RUVBL1: variants seen among roughly 807,000 people sequenced by gnomAD.
The protein encoded by RUVBL1 is ruvB-like 1.
A neutral mutation model predicts 52.4 loss-of-function variants in RUVBL1; 4 were observed. The ratio of observed to expected loss-of-function variants is 0.08; its 90% CI spans 0.04 to 0.17. The LOEUF is 0.17. RUVBL1 is among the 10% of genes least tolerant of loss of function. The probability of loss-of-function intolerance (pLI) is 1.00; values close to 1 mark genes in which losing one functional copy is unlikely to be tolerated. For missense variants in RUVBL1, 298 were observed against 572.8 expected (o/e 0.52, Z 4.90); for synonymous variants, 217 against 214.4 (o/e 1.01, Z -0.10).
intron 8 of RUVBL1, among the ~76,000 whole-genome samples, chr3:128,095,481 T>G (rs1942947478): frequency 6.6e-6 from 1 of 152,256 alleles, no homozygotes; most frequent in Non-Finnish European, 1.5e-5. Context: ...CAAGTAGCCA[T>G]GCTGGATCTG....
chr3:128,079,944 G>A (rs1278538914), downstream of RUVBL1, among the ~76,000 whole-genome samples: 1 of 152,206 alleles, frequency 6.6e-6, no homozygotes, highest in Non-Finnish European at 1.5e-5. Flanking sequence ...CTAGCACAAG[G>A]AGCAAGTGCT....
chr3:128,113,157 T>A (rs184371490), intron 2 of RUVBL1, 137 bp from the exon 3 acceptor site: 1 of 987,212 alleles, frequency 1.0e-6, no homozygotes, highest in African/African-American at 1.7e-5. Context: ...ACACAATAAA[T>A]GTTTGATGAC....
At chr3:128,140,838 A>T (rs1944010727) in intron 1 of RUVBL1, among the ~76,000 whole-genome samples, 1 of 152,164 alleles carries the variant, frequency 6.6e-6, no homozygotes, top group African/African-American at 2.4e-5. Context: ...TTTCCAGATT[A>T]AAAAAATGTA....
At chr3:128,144,103 T>C (rs988815011) in intron 1 of RUVBL1, among the ~76,000 whole-genome samples, 1 of 152,188 alleles carries the variant, frequency 6.6e-6, no homozygotes, top group Non-Finnish European at 1.5e-5. Context: ...CTGAATGTTA[T>C]GTAGCTCAGC....
At chr3:128,104,714 C>A in intron 4 of RUVBL1, 59 bp downstream of exon 4, 1 of 1,488,222 alleles carries the variant, frequency 6.7e-7, no homozygotes. Flanking sequence ...ACACCACCTG[C>A]CCAAAGCCAC....
chr3:128,097,317 T>A lies in RUVBL1; in HGVS notation c.999A>T (p.Arg333=). ...IAPIVIFASN[R]GNCVIRGTED... ...CATCCTACCTGATGACACAGTTGCC[T>A]CGGTTGGATGCAAAGATGACGATGG... The change falls in exon 8 of 11, where the codon CGA becomes CGT. Residue 333 remains arginine, a synonymous_variant. Coordinates refer to ENST00000322623, the MANE Select transcript of RUVBL1 (RefSeq NM_003707.3). 6.2e-7 allele frequency: 1 copy of A among 1,614,110 alleles called. No individual in the cohort carries two copies. The highest frequency in any genetic ancestry group is 8.5e-7 in the Non-Finnish European group (1 of 1,180,002).
chr3:128,148,970 A>T (rs1030601107), intron 1 of RUVBL1, among the ~76,000 whole-genome samples: 1 of 152,102 alleles, frequency 6.6e-6, no homozygotes, highest in African/African-American at 2.4e-5. Context: ...CATATCAAAA[A>T]TGTAGACAGA....
chr3:128,151,739 G>T (rs1944219481), intron 1 of RUVBL1, among the ~76,000 whole-genome samples: 1 of 152,218 alleles, frequency 6.6e-6, no homozygotes, highest in African/African-American at 2.4e-5. Flanking sequence ...GGGGGTCAGG[G>T]TGTCCACATA....
chr3:128,072,793 G>A (rs12695505), intron 9 of RUVBL1, among the ~76,000 whole-genome samples: 35,112 of 152,108 alleles, frequency 0.23, 4,125 homozygotes, highest in South Asian at 0.27. Flanking sequence ...TGTGGCCGTG[G>A]CCCCTCTTGC....
At position 128,100,735 on chromosome 3, in the gene RUVBL1, T is replaced by A; in HGVS notation, c.613A>T (p.Arg205Trp). 6.2e-7 allele frequency: 1 copy of A among 1,612,886 alleles called. No homozygotes were observed. Among genetic ancestry groups the A allele is most frequent in the Non-Finnish European group, 8.5e-7 (1 of 1,179,748 alleles). ...ANSGAVKRQG[R>W]CDTYATEFDL... ...AATTCTGTGGCATAGGTATCACACC[T>A]GCCCTGCCTCTGCAAAAAGAGAGAA... The change falls in exon 6 of 11, where the codon AGG (arginine) becomes TGG (tryptophan). Residue 205 changes from arginine (R) to tryptophan (W), a missense_variant. Coordinates refer to ENST00000322623, the MANE Select transcript of RUVBL1 (RefSeq NM_003707.3).
At chr3:128,070,977 C>T (rs1942149584) in intron 9 of RUVBL1, 1 of 152,306 alleles carries the variant, frequency 6.6e-6, no homozygotes, top group Non-Finnish European at 1.5e-5. Context: ...ATTGGTGGGA[C>T]CAAGGATGTT....
rs891947437 is a variant in RUVBL1 at position 128,099,413 on chromosome 3, T to C, written c.754-468A>G. 4.6e-5 allele frequency among the ~76,000 whole-genome samples: 7 copies of C among 152,230 alleles called. No homozygotes were observed. In the East Asian group the frequency reaches 1.2e-3, roughly 25 times the overall value. ...TCAGGACTTCCTCCAAATGTTCCTGTGCCTTTGGGGACACATGGACTATAA... is the reference window on the plus strand; with the variant it reads ...TCAGGACTTCCTCCAAATGTTCCTGCGCCTTTGGGGACACATGGACTATAA... On this transcript the variant is annotated intron_variant, in intron 6 of 10. Coordinates refer to ENST00000322623, the MANE Select transcript of RUVBL1 (RefSeq NM_003707.3).
At position 128,066,844 on chromosome 3, in the gene RUVBL1, C is replaced by T. The variant is rs1941996800; in HGVS notation, c.940-1624G>A. 9.8e-6 allele frequency: 10 copies of T among 1,022,468 alleles called. No homozygotes were observed. In the South Asian group the frequency reaches 1.5e-4, roughly 15 times the overall value. 63.3% of individuals were successfully genotyped at this position (1,022,468 alleles called of 1,614,324 possible). On this transcript the variant is annotated intron_variant, in intron 9 of 9. Coordinates refer to the RUVBL1 transcript ENST00000464873. ...AACTGGGAGCCCCAGAACCAGCACACAGGATTTCCTCCCTTGTGGCCCACT... is the reference window on the plus strand; with the variant it reads ...AACTGGGAGCCCCAGAACCAGCACATAGGATTTCCTCCCTTGTGGCCCACT...
chr3:128,097,121 T>C (rs376680423), intron 8 of RUVBL1, among the ~76,000 whole-genome samples, 179 bp downstream of exon 8: 71 of 152,318 alleles, frequency 4.7e-4, no homozygotes, highest in African/African-American at 1.7e-3. Flanking sequence ...GGACAGCTGC[T>C]GCCTTTGGTG....
intron 8 of RUVBL1, among the ~76,000 whole-genome samples, chr3:128,096,739 A>G (rs1304971440): frequency 6.6e-6 from 1 of 152,052 alleles, no homozygotes; most frequent in East Asian, 1.9e-4. Flanking sequence ...AGGCAGGAGA[A>G]TGGTGTGAAC....
intron 9 of RUVBL1, among the ~76,000 whole-genome samples, chr3:128,065,528 T>C (rs1392423791): frequency 2.6e-5 from 4 of 152,290 alleles, no homozygotes; most frequent in Non-Finnish European, 4.4e-5. Context: ...GATTGATCTT[T>C]GTATTTTTTG....
intron 9 of RUVBL1, among the ~76,000 whole-genome samples, chr3:128,086,352 A>G (rs2107674495): frequency 6.6e-6 from 1 of 152,346 alleles, no homozygotes; most frequent in African/African-American, 2.4e-5. Flanking sequence ...CTCATGGGTT[A>G]CTGGGGATCA....
chr3:128,108,176 A>C (rs1328865327), intron 3 of RUVBL1, among the ~76,000 whole-genome samples: 1 of 152,112 alleles, frequency 6.6e-6, no homozygotes, highest in Non-Finnish European at 1.5e-5. Flanking sequence ...CCTGCTTTTT[A>C]TTTCTGGTCG....
rs528438223 is a variant in RUVBL1 at position 128,081,006 on chromosome 3, G to A, written c.*244C>T. On this transcript the variant is annotated 3_prime_UTR_variant, in exon 11 of 11. Transcript: ENST00000322623. The surrounding 1 kb of genome is among the most constrained non-coding windows in gnomAD (Gnocchi z 4.8). ...TTTAAAAAACTTAGAGAGAGAGAGA[G>A]AGAGAATCAAAATAACCTATGAAGA... 4.4e-6 allele frequency: 2 copies of A among 450,086 alleles called. No homozygotes were observed. The highest frequency in any genetic ancestry group is 7.9e-6 in the Non-Finnish European group (2 of 254,452). The allele number at this position is 450,086 out of a possible 1,614,324, so 27.9% of individuals were successfully genotyped here.
Sources: gnomAD v4.1 joint callset for allele counts (sites outside exome capture counted in the v4.1 genomes callset) on GRCh38, gnomAD v4.1.1 for gene constraint, Gnocchi (gnomAD v3.1) non-coding constraint, MANE v1.5 for transcripts, NCBI Gene and HGNC (gene_info 2026-07-23, HGNC 2026-07-21) for gene names.